GRIP1: variants seen among roughly 807,000 people sequenced by gnomAD.
GRIP1 encodes glutamate receptor-interacting protein 1.
A neutral mutation model predicts 129.9 loss-of-function variants in GRIP1; 45 were observed. That is an observed-to-expected ratio of 0.35 (90% CI 0.27 to 0.44). The LOEUF (loss-of-function observed/expected upper bound fraction) is 0.44. GRIP1 is among the 20% of genes least tolerant of loss of function. The pLI is 1.00. For missense variants in GRIP1, 1,196 were observed against 1,396.8 expected (o/e 0.86, Z 2.29); for synonymous variants, 530 against 520.8 (o/e 1.02, Z -0.24).
intron 1 of GRIP1, among the ~76,000 whole-genome samples, chr12:66,601,429 G>A (rs1426695967): frequency 3.9e-5 from 6 of 152,232 alleles, no homozygotes; most frequent in East Asian, 1.9e-4. Flanking sequence ...TCATCAGGCT[G>A]GTTCCTGTTT....
intron 1 of GRIP1, among the ~76,000 whole-genome samples, chr12:66,730,671 C>A (rs114366488): frequency 8.6e-6 from 1 of 116,500 alleles, no homozygotes. Context: ...GGATACTAGT[C>A]CAAAAATAAG....
At position 66,367,484 on chromosome 12, in the gene GRIP1, G is replaced by A. The variant is rs535802786; in HGVS notation, c.3012+4210C>T. 3.9e-5 allele frequency among the ~76,000 whole-genome samples: 6 copies of A among 152,294 alleles called. No individual in the cohort carries two copies. In the South Asian group the frequency reaches 1.2e-3, roughly 32 times the overall value. On this transcript the variant is annotated intron_variant, in intron 23 of 24. Coordinates refer to ENST00000359742, the MANE Select transcript of GRIP1 (RefSeq NM_001366722.1). ...AGTGCTGACACAGTAAGTCTGGGCT[G>A]GGCTTAGGAACCCTTATTTTAACAA...
intron 1 of GRIP1, among the ~76,000 whole-genome samples, chr12:66,726,061 T>C (rs976146507): frequency 3.3e-5 from 5 of 152,178 alleles, no homozygotes; most frequent in African/African-American, 1.2e-4. Context: ...TCACTAATTA[T>C]TGGTAGAGAG....
chr12:66,864,873 T>C lies in GRIP1; in HGVS notation c.58+204177A>G, dbSNP rs930688274. Among the ~76,000 whole-genome samples the C allele has an allele frequency of 3.3e-5, 5 of 152,316 alleles. No homozygotes were observed. In the East Asian group the frequency reaches 5.8e-4, roughly 18 times the overall value. The stretch of plus-strand genomic sequence containing the variant: ...ATATTTCTTGAAATACATAGTCCAC[T>C]GGCTGGAACTGTTGACCATCTTAGT... On this transcript the variant is annotated intron_variant, in intron 1 of 1. Transcript: ENST00000643019.
At chr12:66,681,495 C>T (rs998823062), upstream of GRIP1, among the ~76,000 whole-genome samples, 3 of 152,152 alleles carry the variant, frequency 2.0e-5, no homozygotes, top group African/African-American at 7.2e-5. Context: ...GGACCACAGG[C>T]TCCTAACATG....
intron 1 of GRIP1, among the ~76,000 whole-genome samples, chr12:67,016,812 T>C (rs2042795245): frequency 6.6e-6 from 1 of 152,210 alleles, no homozygotes; most frequent in South Asian, 2.1e-4. Flanking sequence ...CTTTGCCCTT[T>C]ACAATATCCC....
At chr12:66,427,501 A>G (rs2058023608) in intron 14 of GRIP1, among the ~76,000 whole-genome samples, 2 of 152,194 alleles carry the variant, frequency 1.3e-5, no homozygotes, top group African/African-American at 4.8e-5. Flanking sequence ...TATAAGCAAG[A>G]AGATACAATA....
intron 2 of GRIP1, among the ~76,000 whole-genome samples, chr12:66,570,087 G>T (rs1407131528): frequency 6.8e-6 from 1 of 146,592 alleles, no homozygotes; most frequent in Admixed American, 6.9e-5. Flanking sequence ...ATGTTGGGGG[G>T]TAGTTTGTAG....
intron 16 of GRIP1, among the ~76,000 whole-genome samples, chr12:66,404,962 G>A (rs949298096): frequency 6.6e-6 from 1 of 152,208 alleles, no homozygotes; most frequent in African/African-American, 2.4e-5. Flanking sequence ...AACCTGGGAG[G>A]TGGAGGTTGC....
Position 66,883,452 on chromosome 12 carries a change from T to G in GRIP1, c.58+185598A>C, listed in dbSNP as rs191817535. 3.9e-4 allele frequency among the ~76,000 whole-genome samples: 59 copies of G among 152,312 alleles called. 2 individuals carry two copies. The East Asian group carries it at 0.011, about 28-fold the overall frequency. On this transcript the variant is annotated intron_variant, in intron 1 of 1. Transcript: ENST00000643019. Reference sequence around the variant, plus strand: ...CTCTATAATATAAGTAGAGAGGGACTGGGGTACAGCCCTGACCATGTTTAC... The same window carrying G: ...CTCTATAATATAAGTAGAGAGGGACGGGGGTACAGCCCTGACCATGTTTAC...
chr12:66,596,746 T>A (rs1315167477), intron 2 of GRIP1, 101 bp downstream of exon 2: 2 of 716,220 alleles, frequency 2.8e-6, no homozygotes, highest in Admixed American at 4.0e-5. Flanking sequence ...ACATGATTTA[T>A]TATTATTATT....
chr12:66,603,570 T>A (rs570921538), intron 1 of GRIP1, among the ~76,000 whole-genome samples: 2 of 152,244 alleles, frequency 1.3e-5, no homozygotes, highest in Non-Finnish European at 2.9e-5. Context: ...CTCCAACTGA[T>A]ACGACCAACA....
At chr12:66,706,919 A>C (rs1230741252) in intron 1 of GRIP1, among the ~76,000 whole-genome samples, 1 of 151,770 alleles carries the variant, frequency 6.6e-6, no homozygotes, top group Non-Finnish European at 1.5e-5. Context: ...AGGTGCAGCA[A>C]ACCACCATGG....
chr12:66,515,190 AT>A, intron 7 of GRIP1, among the ~76,000 whole-genome samples: 1 of 152,174 alleles, frequency 6.6e-6, no homozygotes, highest in Non-Finnish European at 1.5e-5. Flanking sequence ...CGTTTCTATT[AT>A]TTTGATTAGC....
rs1011856725 is a variant in GRIP1 at position 66,751,395 on chromosome 12, C to T, written c.-420+52658G>A. Among the ~76,000 whole-genome samples, 20 of 152,270 alleles carry T rather than the reference C, an allele frequency of 1.3e-4. No individual in the cohort carries two copies. In the South Asian group the frequency reaches 1.5e-3, roughly 11 times the overall value. The stretch of plus-strand genomic sequence containing the variant: ...AAGGGGTAACCAGCTATTCTCTCTT[C>T]TCATATTCTGCATTCTGTACCCACC... On this transcript the variant is annotated intron_variant, in intron 1 of 4. Transcript: ENST00000538373.
chr12:67,032,740 C>T (rs1391826555), intron 1 of GRIP1, among the ~76,000 whole-genome samples: 1 of 152,086 alleles, frequency 6.6e-6, no homozygotes, highest in Non-Finnish European at 1.5e-5. Context: ...GGGGAGTTGC[C>T]TCTGGTTGAA....
At chr12:66,724,904 C>A (rs1186033750) in intron 1 of GRIP1, among the ~76,000 whole-genome samples, 4 of 152,136 alleles carry the variant, frequency 2.6e-5, no homozygotes, top group African/African-American at 9.7e-5. Context: ...TCTCAGCCTG[C>A]CCACGGGATC....
At chr12:66,646,224 C>T (rs1004580722) in intron 1 of GRIP1, among the ~76,000 whole-genome samples, 1 of 152,192 alleles carries the variant, frequency 6.6e-6, no homozygotes, top group African/African-American at 2.4e-5. Flanking sequence ...TACTCTTTAT[C>T]TCCCTTTATG....
intron 7 of GRIP1, among the ~76,000 whole-genome samples, chr12:66,484,086 C>G (rs1008702657): frequency 6.6e-6 from 1 of 152,048 alleles, no homozygotes; most frequent in Non-Finnish European, 1.5e-5. Flanking sequence ...GTCTCGATCT[C>G]CTGACCTCGT....
Sources: gnomAD v4.1 joint callset for allele counts (sites outside exome capture counted in the v4.1 genomes callset) on GRCh38, gnomAD v4.1.1 for gene constraint, MANE v1.5 for transcripts, NCBI Gene and HGNC (gene_info 2026-07-23, HGNC 2026-07-21) for gene names.